Variants in SLC14A2 observed in about 807,000 individuals in gnomAD.
SLC14A2 encodes the protein solute carrier family 14 member 2.
A neutral mutation model predicts 104.6 loss-of-function variants in SLC14A2; 91 were observed. The ratio of observed to expected loss-of-function variants is 0.87; its 90% CI spans 0.73 to 1.04. SLC14A2 has a LOEUF of 1.04. Among genes scored for constraint, SLC14A2 ranks in the 50% least tolerant of loss-of-function variants. The pLI, the probability that SLC14A2 is intolerant of heterozygous loss-of-function variation, is 0.00. For missense variants in SLC14A2, 1,189 were observed against 1,156.0 expected (o/e 1.03, Z -0.41); for synonymous variants, 476 against 466.4 (o/e 1.02, Z -0.27).
intron 2 of SLC14A2, among the ~76,000 whole-genome samples, chr18:45,544,280 T>G (rs1568269378): frequency 1.3e-5 from 2 of 152,242 alleles, no homozygotes; most frequent in East Asian, 3.8e-4. Context: ...ATTTTCTTCC[T>G]ATCCTGAATC....
In SLC14A2 at chr18:45,273,362, T is replaced by A. The variant is rs559227281; in HGVS notation, c.-125+60171T>A. ...ACATTCTCATCCCTGAACCATTCACTGTAGACAGGAAAATGGGATGCTATG... is the reference window on the plus strand; with the variant it reads ...ACATTCTCATCCCTGAACCATTCACAGTAGACAGGAAAATGGGATGCTATG... On this transcript the variant is annotated intron_variant, in intron 1 of 20. Coordinates refer to the SLC14A2 transcript ENST00000586448. Among the ~76,000 whole-genome samples the A allele has an allele frequency of 2.5e-4, 38 of 152,264 alleles. 1 individual carries two copies. The South Asian group carries it at 7.9e-3, about 32-fold the overall frequency.
intron 1 of SLC14A2, chr18:45,447,596 T>TA (rs888166235): frequency 6.6e-6 from 1 of 152,240 alleles, no homozygotes; most frequent in African/African-American, 2.4e-5. Flanking sequence ...CTGGTCACTT[T>TA]ATCATTGTAA....
chr18:45,254,895 C>CTGGGG (rs2084460384), intron 1 of SLC14A2, among the ~76,000 whole-genome samples: 1 of 152,130 alleles, frequency 6.6e-6, no homozygotes, highest in African/African-American at 2.4e-5. Context: ...ACTTCCCAAC[C>CTGGGG]CTTCCCTGGG....
chr18:45,385,185 C>A (rs1300249112), intron 1 of SLC14A2, among the ~76,000 whole-genome samples: 3 of 152,214 alleles, frequency 2.0e-5, no homozygotes, highest in African/African-American at 7.2e-5. Context: ...TCACCAGCAT[C>A]CAATCCGAAG....
chr18:45,213,877 GC>G (rs1411066370), intron 1 of SLC14A2, among the ~76,000 whole-genome samples: 1 of 152,136 alleles, frequency 6.6e-6, no homozygotes, highest in Non-Finnish European at 1.5e-5. Context: ...CTCTGCCAGG[GC>G]CCAGGGACGT....
chr18:45,399,992 C>T (rs2086078283), intron 1 of SLC14A2, among the ~76,000 whole-genome samples: 1 of 152,138 alleles, frequency 6.6e-6, no homozygotes, highest in East Asian at 1.9e-4. Flanking sequence ...CAGGCAGTTG[C>T]AATTTGTGTT....
intron 10 of SLC14A2, among the ~76,000 whole-genome samples, chr18:45,650,800 C>A (rs979169132): frequency 6.6e-6 from 1 of 152,062 alleles, no homozygotes; most frequent in Admixed American, 6.5e-5. Flanking sequence ...AGTGCAATGG[C>A]ACGATCTCGG....
chr18:45,625,647 T>A (rs1296448109), intron 2 of SLC14A2, 36 bp from the exon 3 acceptor site: 1 of 1,493,514 alleles, frequency 6.7e-7, no homozygotes, highest in Non-Finnish European at 9.0e-7. Flanking sequence ...CTCAGAAAGC[T>A]GTATCATTTG....
At chr18:45,276,417 C>G (rs1209370658) in intron 1 of SLC14A2, among the ~76,000 whole-genome samples, 2 of 152,124 alleles carry the variant, frequency 1.3e-5, no homozygotes, top group Non-Finnish European at 2.9e-5. Flanking sequence ...CTTAGAATAT[C>G]AGCTTTGAGA....
intron 1 of SLC14A2, among the ~76,000 whole-genome samples, chr18:45,457,866 C>G (rs986001822): frequency 1.3e-5 from 2 of 152,050 alleles, no homozygotes; most frequent in East Asian, 1.9e-4. Flanking sequence ...CAGCTACCCC[C>G]GGGGCTGGGG....
chr18:45,363,985 T>C (rs533193399), intron 1 of SLC14A2, among the ~76,000 whole-genome samples: 1 of 152,166 alleles, frequency 6.6e-6, no homozygotes, highest in Non-Finnish European at 1.5e-5. Context: ...GTCTCCTCAA[T>C]TGCTTTGCCA....
intron 1 of SLC14A2, among the ~76,000 whole-genome samples, chr18:45,421,096 A>T (rs1231028337): frequency 2.0e-5 from 3 of 152,184 alleles, no homozygotes; most frequent in Non-Finnish European, 4.4e-5. Flanking sequence ...TCCCTCCACA[A>T]ATCATTCCAA....
intron 1 of SLC14A2, among the ~76,000 whole-genome samples, chr18:45,388,064 CTTTTTTTTTTTTTTTT>C (rs58962313): frequency 1.4e-5 from 1 of 69,052 alleles, no homozygotes; most frequent in Non-Finnish European, 2.5e-5. Flanking sequence ...TTGCTCATAT[CTTTTTTTTTTTTTTTT>C]TTTTTTTTTT....
At chr18:45,519,034 T>A (rs1232836520) in intron 2 of SLC14A2, among the ~76,000 whole-genome samples, 1 of 152,196 alleles carries the variant, frequency 6.6e-6, no homozygotes, top group Non-Finnish European at 1.5e-5. Flanking sequence ...ACAATAAGCA[T>A]ATACATCCAT....
chr18:45,498,209 G>C (rs1004222515), intron 2 of SLC14A2, among the ~76,000 whole-genome samples: 5 of 152,150 alleles, frequency 3.3e-5, no homozygotes, highest in Non-Finnish European at 5.9e-5. Flanking sequence ...TTTTAAAAAA[G>C]ATTTAGCAAT....
intron 2 of SLC14A2, among the ~76,000 whole-genome samples, chr18:45,507,784 G>A (rs974705301): frequency 2.0e-5 from 3 of 152,182 alleles, no homozygotes; most frequent in Admixed American, 6.5e-5. Context: ...AATGGTGAGA[G>A]TGTCCCTGTA....
rs149970191 is a variant in SLC14A2 at position 45,429,695 on chromosome 18, A to C, written c.-124-53538A>C. Among the ~76,000 whole-genome samples the C allele has an allele frequency of 3.3e-5, 5 of 152,292 alleles. No homozygotes were observed. In the East Asian group the frequency reaches 9.6e-4, roughly 29 times the overall value. ...AGTCTAGTCTTTGACAAGAGTCCAGAGGGAAAGAAAGACAGAAGTGCGTGA... is the reference window on the plus strand; with the variant it reads ...AGTCTAGTCTTTGACAAGAGTCCAGCGGGAAAGAAAGACAGAAGTGCGTGA... On this transcript the variant is annotated intron_variant, in intron 1 of 20. Transcript: ENST00000586448.
intron 1 of SLC14A2, among the ~76,000 whole-genome samples, chr18:45,374,658 GC>G (rs2085755846): frequency 6.6e-6 from 1 of 151,744 alleles, no homozygotes; most frequent in African/African-American, 2.4e-5. Context: ...CAGACTCCCA[GC>G]CTCAGCTGCT....
intron 2 of SLC14A2, among the ~76,000 whole-genome samples, chr18:45,584,373 C>T (rs548906792): frequency 6.6e-6 from 1 of 152,188 alleles, no homozygotes; most frequent in African/African-American, 2.4e-5. Flanking sequence ...GGATCCTACG[C>T]CACATGCCCA....
Sources: gnomAD v4.1 joint callset for allele counts (sites outside exome capture counted in the v4.1 genomes callset) on GRCh38, gnomAD v4.1.1 for gene constraint, MANE v1.5 for transcripts, NCBI Gene and HGNC (gene_info 2026-07-23, HGNC 2026-07-21) for gene names.